The following NAB1 variants were observed in gnomAD, a reference collection of about 807,000 sequenced individuals.
NAB1 encodes the protein NGFI-A-binding protein 1.
In NAB1, 25 loss-of-function variants were observed where a neutral mutation model predicts 49.9. The observed-to-expected ratio is 0.50, with a 90% CI of 0.37 to 0.70. The LOEUF (loss-of-function observed/expected upper bound fraction) is 0.70. NAB1 is among the 30% of genes least tolerant of loss of function. The pLI is 0.00. For synonymous variants in NAB1, 198 were observed against 215.6 expected (o/e 0.92, Z 0.71); for missense variants, 489 against 575.9 (o/e 0.85, Z 1.54).
intron 3 of NAB1, among the ~76,000 whole-genome samples, chr2:190,658,885 A>C (rs773547828): frequency 1.3e-5 from 2 of 152,246 alleles, no homozygotes; most frequent in Admixed American, 6.5e-5. Context: ...AATACGGGAC[A>C]TGGAACCTTT....
At position 190,649,321 on chromosome 2, in the gene NAB1, TC is replaced by T. The variant is rs1215699773; in HGVS notation, c.-372del. 2 of 151,972 alleles carry T rather than the reference TC, an allele frequency of 1.3e-5. No homozygotes were observed. The highest frequency in any genetic ancestry group is 4.8e-5 in the African/African-American group (2 of 41,370). The allele number at this position is 151,972 out of a possible 1,614,324, so 9.4% of individuals were successfully genotyped here. A position where few individuals can be genotyped will look rare whatever the true frequency, so the allele number is the denominator to read the frequency against. On this transcript the variant is annotated 5_prime_UTR_variant, in exon 1 of 10. An upstream open reading frame in the 5' UTR loses its in-frame stop. Transcript: ENST00000337386. The surrounding 1 kb of genome is among the most constrained non-coding windows in gnomAD (Gnocchi z 6.1). Reference sequence around the variant, plus strand: ...CTTCGGAGTTGGGGCTGAGCAGTCCTCGGGGAGAGCGCGCCAAGACCGCTGC... The same window carrying T: ...CTTCGGAGTTGGGGCTGAGCAGTCCTGGGGAGAGCGCGCCAAGACCGCTGC...
At position 190,676,066 on chromosome 2, in the gene NAB1, T is replaced by A. The variant is rs1243295577; in HGVS notation, c.1005+2914T>A. 6.6e-6 allele frequency among the ~76,000 whole-genome samples: 1 copy of A among 152,186 alleles called. No homozygotes were observed. The highest frequency in any genetic ancestry group is 1.5e-5 in the Non-Finnish European group (1 of 68,036). ...AAACTTTTCACCAAGTACTGGTGCTTTATGTCTACCTTCTATATGGCTTCT... is the reference window on the plus strand; with the variant it reads ...AAACTTTTCACCAAGTACTGGTGCTATATGTCTACCTTCTATATGGCTTCT... On this transcript the variant is annotated intron_variant, in intron 6 of 9. Coordinates refer to ENST00000337386, the MANE Select transcript of NAB1 (RefSeq NM_005966.4). The surrounding 1 kb of genome is among the most constrained non-coding windows in gnomAD (Gnocchi z 4.6).
chr2:190,685,942 C>T lies in NAB1; in HGVS notation c.1258+304C>T, dbSNP rs1346012925. 2.0e-5 allele frequency among the ~76,000 whole-genome samples: 3 copies of T among 152,016 alleles called. No individual in the cohort carries two copies. Among genetic ancestry groups the T allele is most frequent in the East Asian group, 3.8e-4 (2 of 5,198 alleles). ...TTATTTTCCCCGAAGAAGCAGATTC[C>T]GGGAGAGATGTTTATCCTTTTTAAA... On this transcript the variant is annotated intron_variant, in intron 8 of 9. Coordinates refer to ENST00000337386, the MANE Select transcript of NAB1 (RefSeq NM_005966.4). This position sits in a 1 kb window ranked among gnomAD's most constrained non-coding sequence, Gnocchi z 4.5.
chr2:190,648,996 C>CGGGCGG (rs1693490661), upstream of NAB1: 1 of 107,104 alleles, frequency 9.3e-6, no homozygotes, highest in Non-Finnish European at 2.0e-5. Context: ...GCGGCGGAGG[C>CGGGCGG]GGGCGGGGGA....
At position 190,657,646 on chromosome 2, in the gene NAB1, C is replaced by T. The variant is rs976095961; in HGVS notation, c.-20+1493C>T. Among the ~76,000 whole-genome samples the T allele has an allele frequency of 2.0e-5, 3 of 152,114 alleles. No individual in the cohort carries two copies. Among genetic ancestry groups the T allele is most frequent in the African/African-American group, 7.2e-5 (3 of 41,428 alleles). ...AAAGAGACATAAAATTTGCGGAAGT[C>T]AAAACAGATGTGGATGACACAGAGG... On this transcript the variant is annotated intron_variant, in intron 3 of 9. Transcript: ENST00000337386. This position sits in a 1 kb window ranked among gnomAD's most constrained non-coding sequence, Gnocchi z 4.4.
At chr2:190,683,657 GT>G in intron 6 of NAB1, 80 bp from the exon 7 acceptor site, 2 of 929,018 alleles carry the variant, frequency 2.2e-6, no homozygotes, top group Non-Finnish European at 3.3e-6. Flanking sequence ...GAGATTAAGA[GT>G]TTGCTTTATT....
Position 190,667,145 on chromosome 2 carries a change from C to CT in NAB1, c.820-3175dup, listed in dbSNP as rs890740851. 2.1e-4 allele frequency among the ~76,000 whole-genome samples: 32 copies of CT among 152,236 alleles called. No individual in the cohort carries two copies. The highest frequency in any genetic ancestry group is 1.2e-3 in the Admixed American group (19 of 15,294). The stretch of plus-strand genomic sequence containing the variant: ...CCCTGAGGGCCTGGAGTTTAGTCTA[C>CT]TTTTTTGGTTTGTGGGAGCCTGAAT... On this transcript the variant is annotated intron_variant, in intron 4 of 9. Transcript: ENST00000337386. The surrounding 1 kb of genome is among the most constrained non-coding windows in gnomAD (Gnocchi z 4.4).
At position 190,676,015 on chromosome 2, in the gene NAB1, G is replaced by A. The variant is rs1303905950; in HGVS notation, c.1005+2863G>A. On this transcript the variant is annotated intron_variant, in intron 6 of 9. Transcript: ENST00000337386. The surrounding 1 kb of genome is among the most constrained non-coding windows in gnomAD (Gnocchi z 4.6). The stretch of plus-strand genomic sequence containing the variant: ...AAGCTGTTATGAGGTAGATAGTACT[G>A]GCTGTATAAAGTTACCACTCCCTTA... Among the ~76,000 whole-genome samples the A allele has an allele frequency of 1.3e-5, 2 of 152,168 alleles. No homozygotes were observed. The highest frequency in any genetic ancestry group is 2.9e-5 in the Non-Finnish European group (2 of 68,046).
In NAB1 at chr2:190,667,025, C is replaced by T. The variant is rs1277163589; in HGVS notation, c.820-3301C>T. On this transcript the variant is annotated intron_variant, in intron 4 of 9. Coordinates refer to ENST00000337386, the MANE Select transcript of NAB1 (RefSeq NM_005966.4). This position sits in a 1 kb window ranked among gnomAD's most constrained non-coding sequence, Gnocchi z 4.4. Reference sequence around the variant, plus strand: ...AAATCTAGGTAACTCTGACAGAACACGTGTTTTTAAGGGAGAGGCTTCATG... The same window carrying T: ...AAATCTAGGTAACTCTGACAGAACATGTGTTTTTAAGGGAGAGGCTTCATG... 1.3e-5 allele frequency among the ~76,000 whole-genome samples: 2 copies of T among 152,100 alleles called. No homozygotes were observed. The highest frequency in any genetic ancestry group is 6.5e-5 in the Admixed American group (1 of 15,270).
rs539589193 is a variant in NAB1, at chr2:190,683,681, A to T, written c.1006-57A>T. ...AGTTTGCTTTATTTTCAAGTTTTTGATAATATTTTATTATTTACAAACTCT... is the reference window on the plus strand; with the variant it reads ...AGTTTGCTTTATTTTCAAGTTTTTGTTAATATTTTATTATTTACAAACTCT... On this transcript the variant is annotated intron_variant, in intron 6 of 9. Coordinates refer to ENST00000337386, the MANE Select transcript of NAB1 (RefSeq NM_005966.4). 1.4e-3 allele frequency: 1,770 copies of T among 1,268,666 alleles called. 3 individuals are homozygous for T. The highest frequency in any genetic ancestry group is 1.9e-3 in the Non-Finnish European group (1,698 of 898,038). The allele number at this position is 1,268,666 out of a possible 1,614,324, so 78.6% of individuals were successfully genotyped here.
At chr2:190,653,801 C>T (rs1252881692) in intron 2 of NAB1, 1 of 152,172 alleles carries the variant, frequency 6.6e-6, no homozygotes, top group African/African-American at 2.4e-5. Flanking sequence ...GGGCCGGACT[C>T]GTTGCATGAT....
In NAB1 at chr2:190,691,260, C is replaced by G. The variant is rs1031648015; in HGVS notation, c.*927C>G. The G allele has an allele frequency of 6.6e-5, 10 of 150,426 alleles. No homozygotes were observed. Among genetic ancestry groups the G allele is most frequent in the African/African-American group, 2.4e-4 (10 of 41,274 alleles). 9.3% of individuals were successfully genotyped at this position (150,426 alleles called of 1,614,324 possible). On this transcript the variant is annotated 3_prime_UTR_variant, in exon 10 of 10. Coordinates refer to ENST00000337386, the MANE Select transcript of NAB1 (RefSeq NM_005966.4). The surrounding 1 kb of genome is among the most constrained non-coding windows in gnomAD (Gnocchi z 4.1). ...AACAAAGGCTGTAACAGATTAAGTA[C>G]TATTTTATATCCAGAAAGTCTTCTC...
chr2:190,686,774 C>T lies in NAB1; in HGVS notation c.1259-427C>T, dbSNP rs536507924. Among the ~76,000 whole-genome samples, 1 of 151,698 alleles carries T rather than the reference C, an allele frequency of 6.6e-6. No homozygotes were observed. Among genetic ancestry groups the T allele is most frequent in the East Asian group, 1.9e-4 (1 of 5,162 alleles). ...CATATTTGTGCTAAATCTGTTTTTT[C>T]ACGGATTTTGCTGTAGTTTTTTTTT... On this transcript the variant is annotated intron_variant, in intron 8 of 9. Transcript: ENST00000337386. This position sits in a 1 kb window ranked among gnomAD's most constrained non-coding sequence, Gnocchi z 5.5.
At chr2:190,671,665 A>G (rs890178166) in intron 5 of NAB1, among the ~76,000 whole-genome samples, 3 of 151,956 alleles carry the variant, frequency 2.0e-5, no homozygotes, top group African/African-American at 7.2e-5. Context: ...AATGAAACTC[A>G]ACGGTTCCTG....
chr2:190,685,337 A>T lies in NAB1; in HGVS notation c.1096-139A>T. The T allele has an allele frequency of 1.4e-6, 1 of 696,962 alleles. No individual in the cohort carries two copies. Among genetic ancestry groups the T allele is most frequent in the Non-Finnish European group, 2.3e-6 (1 of 432,802 alleles). The allele number at this position is 696,962 out of a possible 1,614,324, so 43.2% of individuals were successfully genotyped here. On this transcript the variant is annotated intron_variant, in intron 7 of 9. Coordinates refer to ENST00000337386, the MANE Select transcript of NAB1 (RefSeq NM_005966.4). The surrounding 1 kb of genome is among the most constrained non-coding windows in gnomAD (Gnocchi z 4.5). Reference sequence around the variant, plus strand: ...TATAGACATCTATGCATATTTATGGAATTTGTATACCACATGAAGTGTGAA... The same window carrying T: ...TATAGACATCTATGCATATTTATGGTATTTGTATACCACATGAAGTGTGAA...
rs934109513 is a variant in NAB1 at position 190,651,408 on chromosome 2, G to A, written c.-197+1426G>A. On this transcript the variant is annotated intron_variant, in intron 2 of 9. Coordinates refer to ENST00000337386, the MANE Select transcript of NAB1 (RefSeq NM_005966.4). The surrounding 1 kb of genome is among the most constrained non-coding windows in gnomAD (Gnocchi z 4.3). ...TCACGGTATAGCTAAGAACCTATTGGTTTATTAAAGATTTTGGGGGTTTGC... is the reference window on the plus strand; with the variant it reads ...TCACGGTATAGCTAAGAACCTATTGATTTATTAAAGATTTTGGGGGTTTGC... Among the ~76,000 whole-genome samples, 4 of 152,140 alleles carry A rather than the reference G, an allele frequency of 2.6e-5. No individual in the cohort carries two copies. The highest frequency in any genetic ancestry group is 5.9e-5 in the Non-Finnish European group (4 of 68,022).
In NAB1 at chr2:190,663,784, GA is replaced by G. The variant is rs368503662; in HGVS notation, c.819+3790del. Among the ~76,000 whole-genome samples, 47 of 151,978 alleles carry G rather than the reference GA, an allele frequency of 3.1e-4. No individual in the cohort carries two copies. The highest frequency in any genetic ancestry group is 1.1e-3 in the African/African-American group (46 of 41,468). ...AAAGTATAAATTTTCACTATGTATT[GA>G]TTCAGTGTTATTCCCAAAGTTTTGT... is the stretch of plus-strand genomic sequence containing the variant. On this transcript the variant is annotated intron_variant, in intron 4 of 9. Transcript: ENST00000337386. The surrounding 1 kb of genome is among the most constrained non-coding windows in gnomAD (Gnocchi z 4.2).
chr2:190,670,541 AGCATTTCTG>A lies in NAB1; in HGVS notation c.953+83_953+91del. ...AAACATCATCTATTGATAGAATATA[AGCATTTCTG>A]AAAAAGTGGAAGTATGATTATTGTT... On this transcript the variant is annotated intron_variant, in intron 5 of 9. Transcript: ENST00000337386. The surrounding 1 kb of genome is among the most constrained non-coding windows in gnomAD (Gnocchi z 5.3). 2.8e-6 allele frequency: 4 copies of A among 1,414,274 alleles called. No individual in the cohort carries two copies. The highest frequency in any genetic ancestry group is 2.1e-5 in the Admixed American group (1 of 47,618). The allele number at this position is 1,414,274 out of a possible 1,614,324, so 87.6% of individuals were successfully genotyped here. A position where few individuals can be genotyped will look rare whatever the true frequency, so the allele number is the denominator to read the frequency against.
rs751895219 is a variant in NAB1, at chr2:190,670,373, C to T, written c.867C>T (p.Ala289=). ...CTCAACTCTGTGTGAAGGATAATGC[C>T]CTGCTGACAAGAAGAGATGAGCTTT... ...AAAQLCVKDN[A]LLTRRDELFA... The change falls in exon 5 of 10, where the codon GCC becomes GCT. Residue 289 remains alanine, a synonymous_variant. Coordinates refer to ENST00000337386, the MANE Select transcript of NAB1 (RefSeq NM_005966.4). The surrounding 1 kb of genome is among the most constrained non-coding windows in gnomAD (Gnocchi z 5.3). The T allele has an allele frequency of 3.2e-5, 51 of 1,613,716 alleles. No homozygotes were observed. Among genetic ancestry groups the T allele is most frequent in the Non-Finnish European group, 4.2e-5 (49 of 1,179,886 alleles).
Sources: gnomAD v4.1 joint callset for allele counts (sites outside exome capture counted in the v4.1 genomes callset) on GRCh38, gnomAD v4.1.1 for gene constraint, Gnocchi (gnomAD v3.1) non-coding constraint, MANE v1.5 for transcripts, NCBI Gene and HGNC (gene_info 2026-07-23, HGNC 2026-07-21) for gene names.